CNTNAP2: variants seen among roughly 807,000 people sequenced by gnomAD.
The protein encoded by CNTNAP2 is contactin-associated protein-like 2.
A neutral mutation model predicts 155.2 loss-of-function variants in CNTNAP2; 98 were observed. The ratio of observed to expected loss-of-function variants is 0.63; its 90% CI spans 0.54 to 0.75. The LOEUF (loss-of-function observed/expected upper bound fraction) is 0.75. Ranked by LOEUF, CNTNAP2 falls within the 30% of genes least tolerant of loss-of-function variation. The pLI is 0.00. For missense variants in CNTNAP2, 1,727 were observed against 1,688.1 expected (o/e 1.02, Z -0.40); for synonymous variants, 651 against 631.2 (o/e 1.03, Z -0.47).
chr7:147,820,385 A>T (rs575974746), intron 13 of CNTNAP2, among the ~76,000 whole-genome samples: 1 of 152,134 alleles, frequency 6.6e-6, no homozygotes, highest in African/African-American at 2.4e-5. Flanking sequence ...GAGTTATATA[A>T]ATACTTTATT....
At chr7:146,993,999 A>G (rs1798257639) in intron 3 of CNTNAP2, among the ~76,000 whole-genome samples, 1 of 152,164 alleles carries the variant, frequency 6.6e-6, no homozygotes, top group South Asian at 2.1e-4. Context: ...AAATATTATC[A>G]TCATTTTCTA....
intron 18 of CNTNAP2, among the ~76,000 whole-genome samples, chr7:148,212,340 CT>C (rs1164917765): frequency 6.6e-6 from 1 of 152,084 alleles, no homozygotes; most frequent in Non-Finnish European, 1.5e-5. Flanking sequence ...TATTTGTCTA[CT>C]TGAAGGTTAA....
At chr7:147,831,968 A>G (rs1798552993) in intron 13 of CNTNAP2, 1 of 151,834 alleles carries the variant, frequency 6.6e-6, no homozygotes, top group Non-Finnish European at 1.5e-5. Context: ...AAAATATCTC[A>G]TGTACCCCAT....
intron 15 of CNTNAP2, among the ~76,000 whole-genome samples, chr7:148,034,096 T>C (rs189243903): frequency 7.2e-4 from 110 of 152,322 alleles, no homozygotes; most frequent in Non-Finnish European, 1.3e-3. Flanking sequence ...CTGGTACCAT[T>C]ATTAGCAGAA....
At chr7:148,391,154 G>A (rs530531313) in intron 22 of CNTNAP2, among the ~76,000 whole-genome samples, 6 of 152,318 alleles carry the variant, frequency 3.9e-5, no homozygotes, top group Admixed American at 1.3e-4. Flanking sequence ...CTTCTGGTTA[G>A]TGCCTCACAG....
intron 10 of CNTNAP2, among the ~76,000 whole-genome samples, chr7:147,479,990 A>G (rs535291676): frequency 6.6e-6 from 1 of 152,282 alleles, no homozygotes; most frequent in African/African-American, 2.4e-5. Flanking sequence ...CACTCCATAG[A>G]GAATATCCTT....
At chr7:147,946,074 G>A (rs114515860) in intron 14 of CNTNAP2, among the ~76,000 whole-genome samples, 8,148 of 151,850 alleles carry the variant, frequency 0.054, 291 homozygotes, top group South Asian at 0.14. Flanking sequence ...CACCATGTTG[G>A]TCAGGCTGGT....
At chr7:146,888,208 A>G (rs553251412) in intron 3 of CNTNAP2, among the ~76,000 whole-genome samples, 14 of 152,078 alleles carry the variant, frequency 9.2e-5, no homozygotes, top group Non-Finnish European at 2.1e-4. Context: ...ATTTTATTTA[A>G]CCTTCATTAA....
chr7:147,327,898 C>A (rs721125), intron 9 of CNTNAP2, among the ~76,000 whole-genome samples: 1 of 151,790 alleles, frequency 6.6e-6, no homozygotes, highest in Non-Finnish European at 1.5e-5. Context: ...TCCATTAAGC[C>A]GTTATCAGCC....
intron 1 of CNTNAP2, among the ~76,000 whole-genome samples, chr7:146,606,843 G>T (rs540785262): frequency 2.6e-5 from 4 of 152,278 alleles, no homozygotes; most frequent in Non-Finnish European, 5.9e-5. Context: ...TAAGCAGTCG[G>T]TGAGTGTCCC....
chr7:147,121,029 A>T lies in CNTNAP2; in HGVS notation c.805A>T (p.Ser269Cys). 1 of 1,614,012 alleles carries T rather than the reference A, an allele frequency of 6.2e-7. No homozygotes were observed. The highest frequency in any genetic ancestry group is 8.5e-7 in the Non-Finnish European group (1 of 1,180,002). Residue 269 changes from serine to cysteine, a missense_variant, in exon 6 of 24, where the codon AGT becomes TGT. Ser to Cys is a moderately radical substitution (Grantham distance 112, BLOSUM62 -1). Coordinates refer to ENST00000361727, the MANE Select transcript of CNTNAP2 (RefSeq NM_014141.6). ...IYGHTSVMTG[S>C]LLDDHHWHSV... ...TGGCCACACATCAGTGATGACAGGA[A>T]GTTTGCTGGATGACCACCACTGGCA...
chr7:146,641,053 A>G (rs1049150063), intron 1 of CNTNAP2, among the ~76,000 whole-genome samples: 3 of 152,170 alleles, frequency 2.0e-5, no homozygotes, highest in Non-Finnish European at 4.4e-5. Context: ...TTGTCCAGGC[A>G]CGGTGGCTCG....
At chr7:147,438,717 C>A (rs547680777) in intron 10 of CNTNAP2, among the ~76,000 whole-genome samples, 4 of 151,910 alleles carry the variant, frequency 2.6e-5, no homozygotes, top group African/African-American at 9.7e-5. Flanking sequence ...GCCATCAAGT[C>A]CCGGGCTTTT....
At chr7:147,394,697 A>G (rs188813626) in intron 9 of CNTNAP2, among the ~76,000 whole-genome samples, 1 of 152,050 alleles carries the variant, frequency 6.6e-6, no homozygotes, top group Non-Finnish European at 1.5e-5. Flanking sequence ...TTAAAAAGAT[A>G]TAATAGTAAT....
chr7:147,246,513 G>A (rs961564), intron 8 of CNTNAP2, among the ~76,000 whole-genome samples: 33,123 of 152,040 alleles, frequency 0.22, 3,833 homozygotes, highest in Middle Eastern at 0.29. Context: ...TTGTCTTTTT[G>A]CTGTGTCCTC....
chr7:146,329,617 C>G (rs1338643044), intron 1 of CNTNAP2, among the ~76,000 whole-genome samples: 3 of 152,162 alleles, frequency 2.0e-5, no homozygotes. Context: ...ACTTGAAAAC[C>G]TCAGCTTCGA....
Position 146,305,842 on chromosome 7 carries a change from G to A in CNTNAP2, c.97+188869G>A, listed in dbSNP as rs538809362. ...TAACATCACAATTAAAAGAACTAGAGAAGCAAGAGCAAACACATTCAAAAG... is the reference window on the plus strand; with the variant it reads ...TAACATCACAATTAAAAGAACTAGAAAAGCAAGAGCAAACACATTCAAAAG... On this transcript the variant is annotated intron_variant, in intron 1 of 23. Coordinates refer to ENST00000361727, the MANE Select transcript of CNTNAP2 (RefSeq NM_014141.6). Among the ~76,000 whole-genome samples, 743 of 152,080 alleles carry A rather than the reference G, an allele frequency of 4.9e-3. 9 individuals carry two copies. Among genetic ancestry groups the A allele is most frequent in the African/African-American group, 0.017 (705 of 41,484 alleles).
intron 1 of CNTNAP2, among the ~76,000 whole-genome samples, chr7:146,467,960 A>T (rs1196212396): frequency 1.7e-4 from 26 of 152,182 alleles, no homozygotes; most frequent in Non-Finnish European, 7.4e-5. Flanking sequence ...TTATTTTGGG[A>T]AAAACTTGTT....
At chr7:146,285,091 T>C (rs1800305735) in intron 1 of CNTNAP2, among the ~76,000 whole-genome samples, 1 of 152,200 alleles carries the variant, frequency 6.6e-6, no homozygotes, top group Admixed American at 6.5e-5. Context: ...TTTAACTTGT[T>C]TCCCTGTAAT....
Sources: gnomAD v4.1 joint callset for allele counts (sites outside exome capture counted in the v4.1 genomes callset) on GRCh38, gnomAD v4.1.1 for gene constraint, MANE v1.5 for transcripts, NCBI Gene and HGNC (gene_info 2026-07-23, HGNC 2026-07-21) for gene names.